The following ACAD10 variants were observed in gnomAD, a reference collection of about 807,000 sequenced individuals.
ACAD10 encodes ACAD-10.
ACAD10 carries 112 observed loss-of-function variants against 116.8 expected under a neutral mutation model. That is an observed-to-expected ratio of 0.96 (90% CI 0.82 to 1.12). The LOEUF (loss-of-function observed/expected upper bound fraction) is 1.12, where lower values mean the gene tolerates loss of function less well. Among genes scored for constraint, ACAD10 ranks in the 50% most tolerant of loss-of-function variants. The pLI is 0.00. For synonymous variants in ACAD10, 486 were observed against 510.6 expected (o/e 0.95, Z 0.65); for missense variants, 1,259 against 1,350.2 (o/e 0.93, Z 1.06).
chr12:111,746,994 T>C, intron 14 of ACAD10, 55 bp from the exon 15 acceptor site: 1 of 1,519,714 alleles, frequency 6.6e-7, no homozygotes, highest in Non-Finnish European at 8.8e-7. Flanking sequence ...AGCTTGACTC[T>C]GTTTTTTTTA....
intron 20 of ACAD10, 111 bp from the exon 21 acceptor site, chr12:111,756,222 G>A (rs2068082410): frequency 3.4e-6 from 5 of 1,455,186 alleles, no homozygotes; most frequent in South Asian, 2.9e-5. Context: ...GTGCCACAGG[G>A]AAGTCCGGGA....
At chr12:111,723,605 C>A (rs1302039826) in intron 8 of ACAD10, among the ~76,000 whole-genome samples, 1 of 142,600 alleles carries the variant, frequency 7.0e-6, no homozygotes, top group Non-Finnish European at 1.6e-5. Context: ...CTGACCCCCC[C>A]ACCTCCCTCC....
At chr12:111,727,392 C>T (rs541569476) in intron 8 of ACAD10, among the ~76,000 whole-genome samples, 2 of 151,862 alleles carry the variant, frequency 1.3e-5, no homozygotes, top group South Asian at 2.1e-4. Flanking sequence ...GGCGTGGTGG[C>T]GGGTGCCTGT....
intron 1 of ACAD10, among the ~76,000 whole-genome samples, chr12:111,687,172 ATG>A (rs767815159): frequency 2.4e-4 from 36 of 151,806 alleles, no homozygotes; most frequent in East Asian, 1.5e-3. Context: ...TACATTCTAG[ATG>A]TGTGTGTGTG....
intron 18 of ACAD10, among the ~76,000 whole-genome samples, chr12:111,749,989 G>A (rs2135992683): frequency 6.6e-6 from 1 of 151,788 alleles, no homozygotes; most frequent in East Asian, 1.9e-4. Context: ...TGGCCAGGAA[G>A]GTCTCGATCC....
intron 7 of ACAD10, among the ~76,000 whole-genome samples, chr12:111,719,468 G>A (rs1459379869): frequency 6.6e-6 from 1 of 152,030 alleles, no homozygotes; most frequent in East Asian, 1.9e-4. Flanking sequence ...CGGCCAGGAT[G>A]GTCTCAATCT....
intron 9 of ACAD10, among the ~76,000 whole-genome samples, chr12:111,729,132 C>T (rs1030474305): frequency 1.3e-5 from 2 of 152,224 alleles, no homozygotes; most frequent in African/African-American, 2.4e-5. Context: ...TAGAGAACAA[C>T]AGAGCTGGGT....
intron 7 of ACAD10, among the ~76,000 whole-genome samples, chr12:111,719,884 C>T (rs1056567051): frequency 6.6e-6 from 1 of 151,988 alleles, no homozygotes; most frequent in African/African-American, 2.4e-5. Context: ...CCCACCACCA[C>T]TCCTGGCTAA....
intron 3 of ACAD10, among the ~76,000 whole-genome samples, chr12:111,705,532 A>C (rs1259582316): frequency 6.6e-6 from 1 of 152,214 alleles, no homozygotes; most frequent in African/African-American, 2.4e-5. Flanking sequence ...CTATAACTCT[A>C]GTCCTGGATA....
chr12:111,747,088 C>T lies in ACAD10; in HGVS notation c.2296C>T (p.Leu766=). The change falls in exon 15 of 21, where the codon CTG becomes TTG. Residue 766 remains leucine, a synonymous_variant. Coordinates refer to ENST00000313698, the MANE Select transcript of ACAD10 (RefSeq NM_025247.6). Reference sequence around the variant, plus strand: ...TGCGCCTGACACGGGCAACATGGAGCTGCTGGTGAGGTATGGCACCGAAGC... The same window carrying T: ...TGCGCCTGACACGGGCAACATGGAGTTGCTGGTGAGGTATGGCACCGAAGC... ...CSAPDTGNME[L]LVRYGTEAQK... 6.2e-7 allele frequency: 1 copy of T among 1,612,444 alleles called. No homozygotes were observed. Among genetic ancestry groups the T allele is most frequent in the Non-Finnish European group, 8.5e-7 (1 of 1,178,898 alleles).
chr12:111,696,256 T>C (rs1566140800), intron 2 of ACAD10, among the ~76,000 whole-genome samples: 1 of 151,916 alleles, frequency 6.6e-6, no homozygotes, highest in African/African-American at 2.4e-5. Flanking sequence ...TCTTGCTATG[T>C]TTCTCAAGCT....
In ACAD10 at chr12:111,734,037, T is replaced by C. The variant is rs1483420294; in HGVS notation, c.1509T>C (p.His503=). Reference sequence around the variant, plus strand: ...ATGTGGCCTACAGCTGCCTGGCTCATTACCTGCCATCCAGTTTTCCCGTGC... The same window carrying C: ...ATGTGGCCTACAGCTGCCTGGCTCACTACCTGCCATCCAGTTTTCCCGTGC... The part of the protein sequence containing the change: ...LADVAYSCLA[H]YLPSSFPVLR... Residue 503 remains histidine (H), a synonymous_variant, in exon 11 of 21, where the codon CAT becomes CAC. Coordinates refer to ENST00000313698, the MANE Select transcript of ACAD10 (RefSeq NM_025247.6). 1.2e-6 allele frequency: 2 copies of C among 1,614,080 alleles called. No individual in the cohort carries two copies. Among genetic ancestry groups the C allele is most frequent in the Admixed American group, 1.7e-5 (1 of 59,990 alleles).
chr12:111,754,396 A>T (rs1890151455), intron 19 of ACAD10, among the ~76,000 whole-genome samples: 1 of 152,054 alleles, frequency 6.6e-6, no homozygotes, highest in Non-Finnish European at 1.5e-5. Flanking sequence ...TGGCTCACTG[A>T]AGCCTCAGCC....
At chr12:111,721,228 A>G (rs1466028474) in intron 7 of ACAD10, among the ~76,000 whole-genome samples, 2 of 152,012 alleles carry the variant, frequency 1.3e-5, no homozygotes, top group African/African-American at 2.4e-5. Flanking sequence ...TCAATTGAAT[A>G]TTTTTTAGAA....
In ACAD10 at chr12:111,713,344, C is replaced by T. The variant is rs1450498655; in HGVS notation, c.850+687C>T. Among the ~76,000 whole-genome samples the T allele has an allele frequency of 2.0e-5, 3 of 147,212 alleles. No homozygotes were observed. The South Asian group carries it at 6.5e-4, about 32-fold the overall frequency. On this transcript the variant is annotated intron_variant, in intron 6 of 20. Transcript: ENST00000313698. ...AAAAAAAAAGAATTTGCATTGCTGA[C>T]CGGGGCGTAGTGGCTCACTTCTGTA...
At chr12:111,710,307 C>G (rs186488391) in intron 5 of ACAD10, 1 of 453,714 alleles carries the variant, frequency 2.2e-6, no homozygotes, top group Admixed American at 2.4e-5. Flanking sequence ...AAGCTGGTGT[C>G]GAACTCCTGG....
chr12:111,722,059 C>T (rs999780667), intron 8 of ACAD10: 20 of 175,400 alleles, frequency 1.1e-4, no homozygotes, highest in South Asian at 1.7e-4. Context: ...TTTTTTGAGA[C>T]GGAGTCTCAT....
intron 1 of ACAD10, among the ~76,000 whole-genome samples, chr12:111,689,006 C>T (rs1887962975): frequency 6.6e-6 from 1 of 151,794 alleles, no homozygotes. Context: ...TTCTGGCCAA[C>T]ATGGTGAAAT....
chr12:111,756,547 A>G lies in ACAD10; in HGVS notation c.*74A>G. ...CAGATCTGTCACTGATGTGCCTCGA[A>G]AGATCCGGTGTTTGTGGCTCCTGCA... On this transcript the variant is annotated 3_prime_UTR_variant, in exon 21 of 21. Coordinates refer to ENST00000313698, the MANE Select transcript of ACAD10 (RefSeq NM_025247.6). The G allele has an allele frequency of 6.3e-7, 1 of 1,576,678 alleles. No individual in the cohort carries two copies. Among genetic ancestry groups the G allele is most frequent in the Non-Finnish European group, 8.6e-7 (1 of 1,166,422 alleles).
Sources: allele counts gnomAD v4.1 joint callset (sites outside exome capture counted in the v4.1 genomes callset), GRCh38; gene constraint gnomAD v4.1.1; transcripts MANE v1.5; gene names NCBI Gene and HGNC (gene_info 2026-07-23, HGNC 2026-07-21).